The following SULF1 variants were observed in gnomAD, a reference collection of about 807,000 sequenced individuals.
The protein encoded by SULF1 is sulfatase 1.
Under a neutral mutation model 110.5 loss-of-function variants are expected in SULF1, and 46 were observed. The observed-to-expected ratio is 0.42, with a 90% confidence interval of 0.33 to 0.53. The LOEUF (loss-of-function observed/expected upper bound fraction) is 0.53, where lower values mean the gene tolerates loss of function less well. Among genes scored for constraint, SULF1 ranks in the 20% least tolerant of loss-of-function variants. The pLI, the probability that SULF1 is intolerant of heterozygous loss-of-function variation, is 0.12. For synonymous variants in SULF1, 371 were observed against 387.1 expected, an observed-to-expected ratio of 0.96 and a Z score of 0.49; for missense variants, 941 against 1,094.2, an observed-to-expected ratio of 0.86 and a Z score of 1.98.
intron 13 of SULF1, among the ~76,000 whole-genome samples, chr8:69,613,401 A>G (rs1233819184): frequency 1.3e-5 from 2 of 151,318 alleles, no homozygotes; most frequent in Non-Finnish European, 2.9e-5. Context: ...AGTAGGCATA[A>G]GTAAGAACAG....
intron 5 of SULF1, among the ~76,000 whole-genome samples, chr8:69,567,285 C>T (rs1815954699): frequency 6.6e-6 from 1 of 152,080 alleles, no homozygotes; most frequent in Non-Finnish European, 1.5e-5. Flanking sequence ...CCTCATTTTT[C>T]TGTAATGTGC....
chr8:69,638,937 T>A, intron 21 of SULF1, 79 bp downstream of exon 21: 2 of 1,355,374 alleles, frequency 1.5e-6, no homozygotes, highest in Non-Finnish European at 2.0e-6. Context: ...TGGAAACATT[T>A]AATTGCACAG....
intron 15 of SULF1, among the ~76,000 whole-genome samples, chr8:69,626,789 C>T (rs1430501009): frequency 1.3e-5 from 2 of 152,242 alleles, no homozygotes; most frequent in African/African-American, 4.8e-5. Context: ...AAGCCCACGC[C>T]CATCCGGAAC....
chr8:69,581,482 C>T (rs1268817049), intron 6 of SULF1, among the ~76,000 whole-genome samples: 1 of 152,180 alleles, frequency 6.6e-6, no homozygotes, highest in East Asian at 1.9e-4. Flanking sequence ...CTCCCTGCCC[C>T]CCAACCCCCA....
chr8:69,567,687 A>C (rs752736649), intron 5 of SULF1, among the ~76,000 whole-genome samples: 27 of 152,302 alleles, frequency 1.8e-4, no homozygotes, highest in Non-Finnish European at 2.9e-4. Context: ...TTAATGCTGA[A>C]TAACTTTTCA....
At chr8:69,547,232 G>A (rs2150683367) in intron 3 of SULF1, among the ~76,000 whole-genome samples, 1 of 152,136 alleles carries the variant, frequency 6.6e-6, no homozygotes. Context: ...AATTTCCCAT[G>A]TAAGTTGTTG....
intron 3 of SULF1, among the ~76,000 whole-genome samples, chr8:69,524,355 G>A (rs1186442177): frequency 6.6e-6 from 1 of 152,088 alleles, no homozygotes; most frequent in Non-Finnish European, 1.5e-5. Flanking sequence ...ATATACTTCT[G>A]GTGAGGCTTA....
intron 2 of SULF1, among the ~76,000 whole-genome samples, chr8:69,498,113 C>CACA (rs71556768): frequency 1.2e-4 from 18 of 148,616 alleles, no homozygotes; most frequent in South Asian, 6.4e-4. Context: ...CTCTCTCTCT[C>CACA]CACACACACA....
intron 3 of SULF1, among the ~76,000 whole-genome samples, chr8:69,533,320 G>A (rs1234622030): frequency 6.6e-6 from 1 of 152,172 alleles, no homozygotes; most frequent in East Asian, 1.9e-4. Flanking sequence ...ATGTGCCATG[G>A]TGGTTTACTG....
intron 6 of SULF1, among the ~76,000 whole-genome samples, chr8:69,580,802 T>C (rs1207050467): frequency 6.6e-6 from 1 of 152,164 alleles, no homozygotes; most frequent in Non-Finnish European, 1.5e-5. Context: ...TAAATCAAAA[T>C]CATAGACCTT....
At chr8:69,492,478 G>A (rs1015639859), upstream of SULF1, among the ~76,000 whole-genome samples, 1 of 152,122 alleles carries the variant, frequency 6.6e-6, no homozygotes, top group Non-Finnish European at 1.5e-5. Context: ...TTGGTCTCTG[G>A]AACGCCTGGC....
intron 6 of SULF1, among the ~76,000 whole-genome samples, chr8:69,579,138 G>A (rs1346352323): frequency 1.4e-5 from 2 of 137,944 alleles, no homozygotes; most frequent in Non-Finnish European, 3.1e-5. Flanking sequence ...TCCAGTCTGG[G>A]AGACAAAGCG....
chr8:69,569,900 C>T (rs1342735645), intron 5 of SULF1, among the ~76,000 whole-genome samples: 1 of 142,804 alleles, frequency 7.0e-6, no homozygotes, highest in Non-Finnish European at 1.6e-5. Flanking sequence ...TTGCCAATTC[C>T]ATAGTTTGGG....
intron 1 of SULF1, among the ~76,000 whole-genome samples, chr8:69,481,827 C>G (rs981895836): frequency 6.6e-6 from 1 of 152,192 alleles, no homozygotes; most frequent in Non-Finnish European, 1.5e-5. Context: ...CTATTTTCAG[C>G]TAAGCCTATA....
Position 69,537,491 on chromosome 8 carries a change from A to G in SULF1, c.-133-26048A>G, listed in dbSNP as rs534351279. ...TGAACAGCTTTTGGTTTCCAAGAGT[A>G]TACCATATTAAATAGATATAAAAAT... On this transcript the variant is annotated intron_variant, in intron 3 of 22. Transcript: ENST00000402687. Among the ~76,000 whole-genome samples the G allele has an allele frequency of 5.3e-5, 8 of 152,356 alleles. No individual in the cohort carries two copies. The South Asian group carries it at 6.2e-4, about 12-fold the overall frequency.
intron 13 of SULF1, among the ~76,000 whole-genome samples, chr8:69,620,311 G>T (rs893794437): frequency 2.0e-5 from 3 of 152,150 alleles, no homozygotes; most frequent in Non-Finnish European, 4.4e-5. Flanking sequence ...CAGGATAGGT[G>T]GCATGGCAGG....
intron 3 of SULF1, among the ~76,000 whole-genome samples, chr8:69,529,118 G>A (rs1028686643): frequency 1.8e-4 from 28 of 152,104 alleles, no homozygotes; most frequent in African/African-American, 5.1e-4. Flanking sequence ...ACTGAGATCC[G>A]GAAAGTTTAA....
chr8:69,586,800 C>G (rs1260058597), intron 7 of SULF1, among the ~76,000 whole-genome samples: 1 of 152,126 alleles, frequency 6.6e-6, no homozygotes, highest in Non-Finnish European at 1.5e-5. Context: ...CCTCCCAGTT[C>G]CCCCGGACCC....
At chr8:69,520,137 AC>A in intron 3 of SULF1, among the ~76,000 whole-genome samples, 1 of 151,712 alleles carries the variant, frequency 6.6e-6, no homozygotes, top group Non-Finnish European at 1.5e-5. Context: ...ACACACACAC[AC>A]ACACACACAC....
Sources: gnomAD v4.1 joint callset for allele counts (sites outside exome capture counted in the v4.1 genomes callset) on GRCh38, gnomAD v4.1.1 for gene constraint, MANE v1.5 for transcripts, NCBI Gene and HGNC (gene_info 2026-07-23, HGNC 2026-07-21) for gene names.